The following PKIB variants were observed in gnomAD, a reference collection of about 807,000 sequenced individuals.
The protein encoded by PKIB is cAMP-dependent protein kinase inhibitor beta.
Under a neutral mutation model 4.5 loss-of-function variants are expected in PKIB, and 2 were observed. The observed-to-expected ratio is 0.44, with a 90% CI of 0.18 to 1.39. PKIB has a LOEUF of 1.39. Ranked by LOEUF, PKIB falls within the 40% of genes most tolerant of loss-of-function variation. The pLI is 0.27. For missense variants in PKIB, 94 were observed against 92.6 expected (o/e 1.02, Z -0.06); for synonymous variants, 38 against 36.0 (o/e 1.06, Z -0.20).
intron 2 of PKIB, among the ~76,000 whole-genome samples, chr6:122,538,817 A>G (rs1463565911): frequency 1.3e-5 from 2 of 152,106 alleles, no homozygotes; most frequent in Admixed American, 1.3e-4. Context: ...ATGAGCATGG[A>G]ATCTTCTTCC....
intron 3 of PKIB, among the ~76,000 whole-genome samples, chr6:122,599,203 G>A (rs1774276966): frequency 6.6e-6 from 1 of 152,182 alleles, no homozygotes; most frequent in African/African-American, 2.4e-5. Flanking sequence ...CTCAGACAGA[G>A]GTGGAAAGGC....
intron 2 of PKIB, among the ~76,000 whole-genome samples, chr6:122,499,438 A>G (rs1257350399): frequency 6.6e-6 from 1 of 152,202 alleles, no homozygotes; most frequent in African/African-American, 2.4e-5. Flanking sequence ...TTGCCACATA[A>G]ACAGAATTAA....
intron 2 of PKIB, among the ~76,000 whole-genome samples, chr6:122,636,717 TA>T (rs138224373): frequency 1.2e-3 from 182 of 152,240 alleles, no homozygotes; most frequent in African/African-American, 4.2e-3. Flanking sequence ...AAATGATTAT[TA>T]AAATTCATTT....
chr6:122,517,065 A>G (rs1308919828), intron 2 of PKIB, among the ~76,000 whole-genome samples: 2 of 152,114 alleles, frequency 1.3e-5, no homozygotes, highest in African/African-American at 4.8e-5. Flanking sequence ...TAGAGGTTAA[A>G]TGGTCTTTAA....
At chr6:122,606,000 A>G (rs776601560), upstream of PKIB, among the ~76,000 whole-genome samples, 7 of 152,150 alleles carry the variant, frequency 4.6e-5, no homozygotes, top group Non-Finnish European at 8.8e-5. Flanking sequence ...GGTGGTCTCT[A>G]AAAAGATATG....
intron 2 of PKIB, chr6:122,481,929 A>G (rs1582647839): frequency 6.6e-6 from 1 of 152,000 alleles, no homozygotes; most frequent in East Asian, 1.9e-4. Context: ...ATTGAAATCA[A>G]GAGACATCAC....
chr6:122,633,952 A>ATCTATCTC (rs1562278525), intron 2 of PKIB, among the ~76,000 whole-genome samples: 1 of 151,792 alleles, frequency 6.6e-6, no homozygotes, highest in East Asian at 1.9e-4. Flanking sequence ...CTATCTATCT[A>ATCTATCTC]TCTATCTATC....
intron 1 of PKIB, among the ~76,000 whole-genome samples, chr6:122,473,880 C>T (rs1233207981): frequency 6.6e-6 from 1 of 152,242 alleles, no homozygotes; most frequent in Non-Finnish European, 1.5e-5. Context: ...CACCCATTAT[C>T]TTAGCACTTT....
chr6:122,624,922 C>T (rs889630870), intron 1 of PKIB, among the ~76,000 whole-genome samples: 5 of 152,162 alleles, frequency 3.3e-5, no homozygotes, highest in African/African-American at 1.2e-4. Context: ...ATCCCTTTAT[C>T]TCCTTTTCCT....
chr6:122,526,906 CA>C (rs1388323693), intron 2 of PKIB, among the ~76,000 whole-genome samples: 2 of 152,064 alleles, frequency 1.3e-5, no homozygotes, highest in Non-Finnish European at 2.9e-5. Context: ...CATCTTCTTC[CA>C]ATATAAGGTT....
At chr6:122,713,525 C>A (rs916684969) in intron 3 of PKIB, among the ~76,000 whole-genome samples, 1 of 152,064 alleles carries the variant, frequency 6.6e-6, no homozygotes, top group Non-Finnish European at 1.5e-5. Context: ...ATGTATATCG[C>A]CCCTTTTAAA....
intron 4 of PKIB, among the ~76,000 whole-genome samples, chr6:122,723,479 C>T (rs1034473002): frequency 4.6e-5 from 7 of 152,056 alleles, no homozygotes; most frequent in Admixed American, 3.3e-4. Context: ...CTCTTTTTCT[C>T]GTATTCTCCA....
chr6:122,499,711 G>A (rs1158367783), intron 2 of PKIB, among the ~76,000 whole-genome samples: 1 of 152,202 alleles, frequency 6.6e-6, no homozygotes, highest in East Asian at 1.9e-4. Context: ...CCTAGCCAGA[G>A]ATATGAGGGA....
At chr6:122,661,313 CAG>C (rs934044697) in intron 2 of PKIB, among the ~76,000 whole-genome samples, 9 of 152,164 alleles carry the variant, frequency 5.9e-5, no homozygotes, top group Non-Finnish European at 1.2e-4. Flanking sequence ...TTCATCACCC[CAG>C]AGAGAAACCC....
intron 2 of PKIB, among the ~76,000 whole-genome samples, chr6:122,658,853 G>A (rs1248838360): frequency 6.6e-6 from 1 of 150,414 alleles, no homozygotes; most frequent in Non-Finnish European, 1.5e-5. Flanking sequence ...GCATTCATTT[G>A]ACAAATTTTT....
chr6:122,649,371 G>T (rs1776457071), intron 2 of PKIB, among the ~76,000 whole-genome samples: 1 of 152,218 alleles, frequency 6.6e-6, no homozygotes, highest in Admixed American at 6.5e-5. Flanking sequence ...GAAAGGGGTT[G>T]TAGTGCAATC....
chr6:122,545,747 T>C (rs550456882), intron 2 of PKIB, among the ~76,000 whole-genome samples: 2 of 151,078 alleles, frequency 1.3e-5, no homozygotes, highest in Non-Finnish European at 2.9e-5. Context: ...ACATGCAATT[T>C]ACCCATGTAA....
At chr6:122,482,987 A>G (rs1232787270) in intron 2 of PKIB, 1 of 151,044 alleles carries the variant, frequency 6.6e-6, no homozygotes, top group Non-Finnish European at 1.5e-5. Context: ...CTAGTGTTTG[A>G]GTGAGGGGCT....
At chr6:122,605,536 G>T (rs1466602447), upstream of PKIB, among the ~76,000 whole-genome samples, 1 of 152,080 alleles carries the variant, frequency 6.6e-6, no homozygotes, top group Non-Finnish European at 1.5e-5. Context: ...TCTCCCACAG[G>T]TGAATCTTAT....
Sources: allele counts gnomAD v4.1 joint callset (sites outside exome capture counted in the v4.1 genomes callset), GRCh38; gene constraint gnomAD v4.1.1; transcripts MANE v1.5; gene names NCBI Gene and HGNC (gene_info 2026-07-23, HGNC 2026-07-21).